NYAP2: variants seen among roughly 807,000 people sequenced by gnomAD.
NYAP2 encodes the protein neuronal tyrosine-phosphorylated phosphoinositide-3-kinase adaptor 2.
A neutral mutation model predicts 50.4 loss-of-function variants in NYAP2; 23 were observed. The ratio of observed to expected loss-of-function variants is 0.46; its 90% confidence interval spans 0.33 to 0.65. The LOEUF (loss-of-function observed/expected upper bound fraction) is 0.65. Among genes scored for constraint, NYAP2 ranks in the 30% least tolerant of loss-of-function variants. NYAP2 has a pLI of 0.02. For missense variants in NYAP2, 885 were observed against 861.0 expected (o/e 1.03, Z -0.35); for synonymous variants, 394 against 365.2 (o/e 1.08, Z -0.90).
intron 3 of NYAP2, among the ~76,000 whole-genome samples, chr2:225,472,203 A>G (rs1690022962): frequency 6.6e-6 from 1 of 152,210 alleles, no homozygotes; most frequent in Admixed American, 6.5e-5. Flanking sequence ...TCAAGAAGAA[A>G]AAAACTAAAA....
chr2:225,428,810 C>T (rs1194877733), intron 3 of NYAP2, among the ~76,000 whole-genome samples: 1 of 152,194 alleles, frequency 6.6e-6, no homozygotes, highest in African/African-American at 2.4e-5. Context: ...AGTAAAACTT[C>T]AAGAACATCT....
At chr2:225,553,295 C>T (rs928535562) in intron 4 of NYAP2, among the ~76,000 whole-genome samples, 6 of 152,236 alleles carry the variant, frequency 3.9e-5, no homozygotes, top group Non-Finnish European at 2.9e-5. Context: ...CTAGTTCCCC[C>T]TCTCTCTTCT....
At chr2:225,436,252 G>C (rs1689373508) in intron 3 of NYAP2, among the ~76,000 whole-genome samples, 2 of 152,164 alleles carry the variant, frequency 1.3e-5, no homozygotes, top group African/African-American at 4.8e-5. Context: ...CCCTAATAAA[G>C]TACCACAAAC....
At position 225,625,384 on chromosome 2, in the gene NYAP2, CA is replaced by C. The variant is rs909635898; in HGVS notation, c.1619-1529del. 8.5e-5 allele frequency among the ~76,000 whole-genome samples: 13 copies of C among 152,178 alleles called. No homozygotes were observed. The East Asian group carries it at 2.5e-3, about 29-fold the overall frequency. On this transcript the variant is annotated intron_variant, in intron 5 of 6. Coordinates refer to ENST00000636099, the Ensembl canonical transcript of NYAP2. ...CCATTTTTTAAAAACGCAAAACAAA[CA>C]AAACCTCAATACCTGCCTTAAAATA... is the stretch of plus-strand genomic sequence containing the variant.
At chr2:225,520,932 A>G (rs1574656361) in intron 4 of NYAP2, among the ~76,000 whole-genome samples, 2 of 151,318 alleles carry the variant, frequency 1.3e-5, no homozygotes, top group African/African-American at 2.4e-5. Context: ...ATTTGTTTGT[A>G]TCCTCTTTTA....
intron 3 of NYAP2, among the ~76,000 whole-genome samples, chr2:225,493,344 C>T (rs140611031): frequency 2.0e-5 from 3 of 152,218 alleles, no homozygotes; most frequent in Admixed American, 6.5e-5. Context: ...CCAAAGCCTA[C>T]GTTAGTGAAT....
chr2:225,512,478 C>T (rs1008825132), intron 3 of NYAP2, among the ~76,000 whole-genome samples: 2 of 149,446 alleles, frequency 1.3e-5, no homozygotes, highest in Non-Finnish European at 3.0e-5. Context: ...TCCCTCCTTT[C>T]TTCCTCCTTC....
chr2:225,568,083 A>T (rs531475167), intron 4 of NYAP2, among the ~76,000 whole-genome samples: 11 of 152,208 alleles, frequency 7.2e-5, no homozygotes, highest in Non-Finnish European at 1.5e-4. Context: ...ACTACACAGG[A>T]GGTTTTTTGC....
chr2:225,534,410 C>A (rs999646828), intron 4 of NYAP2, among the ~76,000 whole-genome samples: 3 of 152,130 alleles, frequency 2.0e-5, no homozygotes, highest in African/African-American at 4.8e-5. Context: ...TACTACGGGC[C>A]AAGCATTATT....
At chr2:225,494,370 A>T (rs985210632) in intron 3 of NYAP2, among the ~76,000 whole-genome samples, 5 of 152,210 alleles carry the variant, frequency 3.3e-5, no homozygotes, top group African/African-American at 9.6e-5. Context: ...TTTGAAGATG[A>T]CTTAATAAGG....
intron 4 of NYAP2, among the ~76,000 whole-genome samples, chr2:225,528,611 T>C (rs1691197314): frequency 6.6e-6 from 1 of 152,216 alleles, no homozygotes; most frequent in African/African-American, 2.4e-5. Flanking sequence ...TGATCCTCAC[T>C]GCTGAGTTTC....
chr2:225,694,079 C>T, the NYAP2 span, among the ~76,000 whole-genome samples: 42 of 152,040 alleles, frequency 2.8e-4, no homozygotes, highest in African/African-American at 8.9e-4. Flanking sequence ...CTACAGTTAA[C>T]TTTTGATGTG....
intron 3 of NYAP2, among the ~76,000 whole-genome samples, chr2:225,461,721 T>C (rs1281757452): frequency 6.6e-6 from 1 of 152,232 alleles, no homozygotes; most frequent in Non-Finnish European, 1.5e-5. Flanking sequence ...GGATTGGAGA[T>C]AAGATAATCT....
chr2:225,442,899 C>T (rs773483387), intron 3 of NYAP2, among the ~76,000 whole-genome samples: 2 of 152,120 alleles, frequency 1.3e-5, no homozygotes, highest in Non-Finnish European at 2.9e-5. Context: ...TTAATGGACT[C>T]ATAGTTCCAC....
At chr2:225,449,289 T>G (rs1689611389) in intron 3 of NYAP2, among the ~76,000 whole-genome samples, 2 of 152,220 alleles carry the variant, frequency 1.3e-5, no homozygotes, top group Non-Finnish European at 2.9e-5. Context: ...CACAAGTTCA[T>G]TCTGAAGCTC....
At chr2:225,570,726 C>A (rs543497651) in intron 4 of NYAP2, among the ~76,000 whole-genome samples, 1 of 152,290 alleles carries the variant, frequency 6.6e-6, no homozygotes, top group East Asian at 1.9e-4. Context: ...CAAACCATAT[C>A]ATTCTGCCCC....
chr2:225,412,306 A>G (rs1260805612), intron 3 of NYAP2, among the ~76,000 whole-genome samples: 1 of 103,570 alleles, frequency 9.7e-6, no homozygotes, highest in Non-Finnish European at 2.1e-5. Context: ...TCCTGTAAGA[A>G]GGGAGAAAAT....
chr2:225,493,240 G>C (rs1382771782), intron 3 of NYAP2, among the ~76,000 whole-genome samples: 1 of 152,094 alleles, frequency 6.6e-6, no homozygotes, highest in South Asian at 2.1e-4. Context: ...GCCTACCTCT[G>C]CCTCCCAAAG....
the NYAP2 span, among the ~76,000 whole-genome samples, chr2:225,674,649 G>C: frequency 1.3e-5 from 2 of 152,036 alleles, no homozygotes; most frequent in Non-Finnish European, 2.9e-5. Context: ...TTAGTCTGTT[G>C]ATTTTTCTCC....
Sources: gnomAD v4.1 joint callset for allele counts (sites outside exome capture counted in the v4.1 genomes callset) on GRCh38, gnomAD v4.1.1 for gene constraint, MANE v1.5 for transcripts, NCBI Gene and HGNC (gene_info 2026-07-23, HGNC 2026-07-21) for gene names.